Variants in PDZRN3 observed in about 807,000 individuals in gnomAD.
PDZRN3 encodes PDZ domain containing ring finger 3, also known as E3 ubiquitin-protein ligase PDZRN3.
In PDZRN3, 38 loss-of-function variants were observed where a neutral mutation model predicts 85.7. The observed-to-expected ratio is 0.44, with a 90% CI of 0.34 to 0.58. PDZRN3 has a LOEUF of 0.58. PDZRN3 is among the 20% of genes least tolerant of loss of function. The probability of loss-of-function intolerance (pLI) is 0.01; values close to 1 mark genes in which losing one functional copy is unlikely to be tolerated. For synonymous variants in PDZRN3, 759 were observed against 638.0 expected, an observed-to-expected ratio of 1.19 and a Z score of -2.86; for missense variants, 1,629 against 1,506.4, an observed-to-expected ratio of 1.08 and a Z score of -1.35.
rs199819275 is a variant in PDZRN3 at position 73,383,816 on chromosome 3, G to A, written c.2750C>T (p.Pro917Leu). Residue 917 changes from proline to leucine, a missense_variant, in exon 10 of 10, where the codon CCG (proline) becomes CTG (leucine). Coordinates refer to ENST00000263666, the MANE Select transcript of PDZRN3 (RefSeq NM_015009.3). ...KDLSSPTPSE[P>L]RMEWKVKIRS... ...GATCTTCACCTTCCACTCCATGCGC[G>A]GCTCCGACGGGGTGGGAGAGCTCAG... is the stretch of plus-strand genomic sequence containing the variant. 8.1e-6 allele frequency: 13 copies of A among 1,613,500 alleles called. No individual in the cohort carries two copies. The East Asian group carries it at 1.8e-4, about 22-fold the overall frequency.
chr3:73,548,195 C>A (rs1214493689), intron 3 of PDZRN3, among the ~76,000 whole-genome samples: 1 of 152,174 alleles, frequency 6.6e-6, no homozygotes, highest in East Asian at 1.9e-4. Flanking sequence ...ACCTTAGGTG[C>A]TACGTAGAGA....
intron 3 of PDZRN3, among the ~76,000 whole-genome samples, chr3:73,483,820 C>T (rs1021573307): frequency 3.9e-5 from 6 of 152,096 alleles, no homozygotes; most frequent in South Asian, 2.1e-4. Flanking sequence ...TGGGCAGAGC[C>T]GGCTACAGTG....
intron 3 of PDZRN3, among the ~76,000 whole-genome samples, chr3:73,520,455 G>A (rs1575705846): frequency 6.6e-6 from 1 of 151,848 alleles, no homozygotes; most frequent in East Asian, 1.9e-4. Flanking sequence ...AGTGAGCCGA[G>A]ATCCCACCAC....
At chr3:73,525,960 A>T (rs1184817004) in intron 3 of PDZRN3, among the ~76,000 whole-genome samples, 1 of 152,202 alleles carries the variant, frequency 6.6e-6, no homozygotes, top group Non-Finnish European at 1.5e-5. Flanking sequence ...CCTCTGTGTC[A>T]GTAGATGGAG....
intron 3 of PDZRN3, among the ~76,000 whole-genome samples, chr3:73,597,784 A>C (rs1236477221): frequency 6.6e-6 from 1 of 151,968 alleles, no homozygotes. Flanking sequence ...AATATATTGA[A>C]CAGCACATGC....
chr3:73,590,538 A>G (rs1465792174), intron 3 of PDZRN3, among the ~76,000 whole-genome samples: 1 of 152,194 alleles, frequency 6.6e-6, no homozygotes, highest in African/African-American at 2.4e-5. Flanking sequence ...GAGAAATAAT[A>G]AACGTCAACA....
chr3:73,560,314 C>T (rs1356875287), intron 3 of PDZRN3, among the ~76,000 whole-genome samples: 1 of 151,842 alleles, frequency 6.6e-6, no homozygotes, highest in Non-Finnish European at 1.5e-5. Flanking sequence ...CCCATTTTAC[C>T]GATGAAGAAA....
intron 3 of PDZRN3, among the ~76,000 whole-genome samples, chr3:73,564,494 G>C (rs1042276735): frequency 1.3e-5 from 2 of 152,038 alleles, no homozygotes; most frequent in African/African-American, 2.4e-5. Flanking sequence ...GCTCAACTCC[G>C]TTCCTTGAGG....
At chr3:73,473,787 G>A (rs766161566) in intron 3 of PDZRN3, among the ~76,000 whole-genome samples, 2 of 152,142 alleles carry the variant, frequency 1.3e-5, no homozygotes, top group African/African-American at 2.4e-5. Context: ...AGTGAACCTC[G>A]AGGTGGATCC....
intron 1 of PDZRN3, among the ~76,000 whole-genome samples, chr3:73,610,671 A>G (rs749388651): frequency 1.3e-5 from 2 of 152,174 alleles, no homozygotes; most frequent in Non-Finnish European, 2.9e-5. Context: ...TAATTAATCA[A>G]TGATAGAAAC....
chr3:73,452,362 A>G (rs974456388), intron 3 of PDZRN3, among the ~76,000 whole-genome samples: 1 of 152,260 alleles, frequency 6.6e-6, no homozygotes, highest in Admixed American at 6.5e-5. Context: ...TCTACCACCA[A>G]CATGATAATT....
At chr3:73,562,408 G>A (rs1217768755) in intron 3 of PDZRN3, among the ~76,000 whole-genome samples, 1 of 152,118 alleles carries the variant, frequency 6.6e-6, no homozygotes, top group Non-Finnish European at 1.5e-5. Flanking sequence ...GCATTAGGAG[G>A]TGTTTCATTA....
rs749181467 is a variant in PDZRN3 at position 73,608,602 on chromosome 3, C to T, written c.806G>A (p.Ser269Asn). 1.5e-5 allele frequency: 24 copies of T among 1,604,644 alleles called. No individual in the cohort carries two copies. The Middle Eastern group carries it at 4.9e-4, about 33-fold the overall frequency. ...LGFNIIGGRP[S>N]VDNHDGSSSE... ...ACATTTTAGTAATTAACATACCACA[C>T]TCGGCCGGCCACCAATAATATTGAA... Residue 269 changes from serine to asparagine, a missense_variant, in exon 2 of 10, where the codon AGT becomes AAT. Ser to Asn is a conservative substitution (Grantham distance 46). Transcript: ENST00000263666.
chr3:73,535,452 T>G (rs1575717834), intron 3 of PDZRN3, among the ~76,000 whole-genome samples: 1 of 152,210 alleles, frequency 6.6e-6, no homozygotes, highest in African/African-American at 2.4e-5. Flanking sequence ...GCATCAGTGA[T>G]ACAAATGCCC....
At chr3:73,439,056 G>A (rs1327925019) in intron 3 of PDZRN3, among the ~76,000 whole-genome samples, 1 of 152,138 alleles carries the variant, frequency 6.6e-6, no homozygotes, top group East Asian at 1.9e-4. Flanking sequence ...CACTTTCCCA[G>A]GTGCCTCCTT....
At chr3:73,420,636 T>C (rs935902166) in intron 3 of PDZRN3, among the ~76,000 whole-genome samples, 2 of 152,206 alleles carry the variant, frequency 1.3e-5, no homozygotes, top group African/African-American at 4.8e-5. Context: ...TCTGGATCTA[T>C]TCCCATCATT....
At position 73,449,963 on chromosome 3, in the gene PDZRN3, G is replaced by A. The variant is rs373550758; in HGVS notation, c.919-45568C>T. Among the ~76,000 whole-genome samples, 3 of 152,236 alleles carry A rather than the reference G, an allele frequency of 2.0e-5. No homozygotes were observed. The South Asian group carries it at 6.2e-4, about 32-fold the overall frequency. On this transcript the variant is annotated intron_variant, in intron 3 of 9. Transcript: ENST00000263666. Reference sequence around the variant, plus strand: ...TTCACACTCCCAACCACCAACAGCTGGGCAGCACACGCCATAGGTACCTCC... The same window carrying A: ...TTCACACTCCCAACCACCAACAGCTAGGCAGCACACGCCATAGGTACCTCC...
intron 3 of PDZRN3, among the ~76,000 whole-genome samples, chr3:73,468,564 C>T (rs1205513958): frequency 1.3e-5 from 2 of 152,108 alleles, no homozygotes; most frequent in African/African-American, 4.8e-5. Context: ...GAAGCCCTAT[C>T]TCCTGGGCTG....
chr3:73,419,362 C>A (rs1462741530), intron 3 of PDZRN3, among the ~76,000 whole-genome samples: 1 of 152,050 alleles, frequency 6.6e-6, no homozygotes, highest in Non-Finnish European at 1.5e-5. Flanking sequence ...AGTTCTGATG[C>A]ATCAGTGTAG....
Sources: gnomAD v4.1 joint callset for allele counts (sites outside exome capture counted in the v4.1 genomes callset) on GRCh38, gnomAD v4.1.1 for gene constraint, MANE v1.5 for transcripts, NCBI Gene and HGNC (gene_info 2026-07-23, HGNC 2026-07-21) for gene names.